The following RFC1 variants were observed in gnomAD, a reference collection of about 807,000 sequenced individuals.
RFC1 encodes the protein replication factor C subunit 1.
RFC1 carries 37 observed loss-of-function variants against 137.4 expected under a neutral mutation model. That is an observed-to-expected ratio of 0.27 (90% confidence interval 0.21 to 0.35). The LOEUF (loss-of-function observed/expected upper bound fraction) is 0.35, where lower values mean the gene tolerates loss of function less well. Ranked by LOEUF, RFC1 falls within the 10% of genes least tolerant of loss-of-function variation. The pLI is 1.00. For missense variants in RFC1, 1,205 were observed against 1,358.5 expected (o/e 0.89, Z 1.78); for synonymous variants, 429 against 455.7 (o/e 0.94, Z 0.75).
chr4:39,287,718 C>T lies in RFC1; in HGVS notation c.*1043G>A, dbSNP rs1737448062. 2 of 152,184 alleles carry T rather than the reference C, an allele frequency of 1.3e-5. No homozygotes were observed. The allele number at this position is 152,184 out of a possible 1,614,324, so 9.4% of individuals were successfully genotyped here. On this transcript the variant is annotated 3_prime_UTR_variant, in exon 25 of 25. Coordinates refer to ENST00000349703, the MANE Select transcript of RFC1 (RefSeq NM_002913.5). ...CTAAATTCCAGGCTAGGTCCATAGC[C>T]TCACGGCCACTCAACACATACAGTT...
chr4:39,362,000 C>T (rs1741784552), intron 1 of RFC1, among the ~76,000 whole-genome samples: 1 of 152,116 alleles, frequency 6.6e-6, no homozygotes, highest in Non-Finnish European at 1.5e-5. Context: ...GATGGTGCCA[C>T]TGCACCCCAG....
intron 9 of RFC1, among the ~76,000 whole-genome samples, chr4:39,318,449 T>A (rs1739356960): frequency 6.6e-6 from 1 of 152,218 alleles, no homozygotes; most frequent in Admixed American, 6.5e-5. Flanking sequence ...TTCTGAATGG[T>A]AAACAGCGTA....
intron 1 of RFC1, among the ~76,000 whole-genome samples, chr4:39,361,820 G>A (rs539754972): frequency 5.9e-5 from 9 of 152,280 alleles, no homozygotes; most frequent in African/African-American, 1.7e-4. Context: ...AGGCCGAGGC[G>A]GGCTGATCAC....
At chr4:39,292,967 T>C (rs1364913188) in intron 22 of RFC1, among the ~76,000 whole-genome samples, 1 of 152,106 alleles carries the variant, frequency 6.6e-6, no homozygotes, top group Non-Finnish European at 1.5e-5. Context: ...ACTTCAAAAG[T>C]TGTTGTTATC....
rs1055425415 is a variant in RFC1, at chr4:39,316,846, C to G, written c.1203+69G>C. 4.6e-6 allele frequency: 4 copies of G among 876,974 alleles called. No individual in the cohort carries two copies. In the African/African-American group the frequency reaches 6.8e-5, roughly 15 times the overall value. 54.3% of individuals were successfully genotyped at this position (876,974 alleles called of 1,614,324 possible). ...ATTAATCCTCTGCTGCTATAATCAT[C>G]GTGAATACATACATGGACCCATACG... On this transcript the variant is annotated intron_variant, in intron 10 of 24. Coordinates refer to ENST00000349703, the MANE Select transcript of RFC1 (RefSeq NM_002913.5).
chr4:39,302,625 G>T, intron 17 of RFC1, 30 bp from the exon 18 acceptor site: 2 of 1,513,836 alleles, frequency 1.3e-6, no homozygotes, highest in Non-Finnish European at 1.8e-6. Context: ...AGTCCTCAAT[G>T]ATTTTTAACT....
At chr4:39,300,221 G>A (rs1738275545) in intron 20 of RFC1, 39 bp downstream of exon 20, 1 of 1,612,572 alleles carries the variant, frequency 6.2e-7, no homozygotes, top group Non-Finnish European at 8.5e-7. Flanking sequence ...TCGCAGTGCT[G>A]GATACTAAGC....
intron 4 of RFC1, 51 bp from the exon 5 acceptor site, chr4:39,327,807 A>G: frequency 7.6e-7 from 1 of 1,311,286 alleles, no homozygotes; most frequent in Non-Finnish European, 1.0e-6. Flanking sequence ...ATTCGGTTAT[A>G]CAAAGAAAAC....
At chr4:39,345,077 C>T (rs918308722) in intron 3 of RFC1, among the ~76,000 whole-genome samples, 3 of 152,024 alleles carry the variant, frequency 2.0e-5, no homozygotes, top group Non-Finnish European at 4.4e-5. Flanking sequence ...AGTGCAGTGG[C>T]GATCTTGGCT....
In RFC1 at chr4:39,366,277, G is replaced by A; in HGVS notation, c.-36C>T. ...GGATGAAGGCGCTGGCTGGCTGGCG[G>A]GTGGGCCGGTTGAGGAATCTGTTAT... On this transcript the variant is annotated 5_prime_UTR_variant, in exon 1 of 25. Coordinates refer to ENST00000349703, the MANE Select transcript of RFC1 (RefSeq NM_002913.5). 6.6e-7 allele frequency: 1 copy of A among 1,524,442 alleles called. No individual in the cohort carries two copies. The highest frequency in any genetic ancestry group is 8.8e-7 in the Non-Finnish European group (1 of 1,135,130). 94.4% of individuals were successfully genotyped at this position (1,524,442 alleles called of 1,614,324 possible).
At chr4:39,302,629 T>C in intron 17 of RFC1, 34 bp from the exon 18 acceptor site, 3 of 1,515,562 alleles carry the variant, frequency 2.0e-6, no homozygotes, top group Non-Finnish European at 2.7e-6. Flanking sequence ...CTCAATGATT[T>C]TTAACTCATA....
At chr4:39,317,312 T>C (rs1739288015) in intron 9 of RFC1, among the ~76,000 whole-genome samples, 1 of 152,242 alleles carries the variant, frequency 6.6e-6, no homozygotes, top group Non-Finnish European at 1.5e-5. Flanking sequence ...AAAAGTGTTT[T>C]ACTTTAGGAA....
intron 11 of RFC1, among the ~76,000 whole-genome samples, chr4:39,311,789 C>A (rs1424965464): frequency 1.3e-5 from 2 of 152,188 alleles, no homozygotes; most frequent in Non-Finnish European, 2.9e-5. Flanking sequence ...GGGAAGTGGT[C>A]CATTTCTACT....
intron 24 of RFC1, 60 bp downstream of exon 24, chr4:39,289,788 C>T: frequency 8.5e-7 from 1 of 1,169,954 alleles, no homozygotes; most frequent in Non-Finnish European, 1.3e-6. Context: ...CCCTATTATT[C>T]ACCAGGCAAG....
intron 1 of RFC1, among the ~76,000 whole-genome samples, chr4:39,355,351 C>T (rs535758578): frequency 1.6e-4 from 24 of 151,930 alleles, no homozygotes; most frequent in South Asian, 1.2e-3. Context: ...GGCACTTGCG[C>T]GCCAAGAGTT....
chr4:39,299,783 C>T (rs902614009), intron 21 of RFC1, among the ~76,000 whole-genome samples: 13 of 151,878 alleles, frequency 8.6e-5, no homozygotes, highest in African/African-American at 2.9e-4. Context: ...GGTATGGTGG[C>T]GGGCACCTGT....
intron 1 of RFC1, among the ~76,000 whole-genome samples, chr4:39,356,716 T>C (rs901508347): frequency 9.2e-5 from 14 of 152,242 alleles, no homozygotes; most frequent in Non-Finnish European, 1.8e-4. Flanking sequence ...AACAAAAATA[T>C]ACTTTCACTT....
Position 39,365,138 on chromosome 4 carries a change from G to A in RFC1, c.3+1101C>T, listed in dbSNP as rs75149260. On this transcript the variant is annotated intron_variant, in intron 1 of 24. Coordinates refer to ENST00000349703, the MANE Select transcript of RFC1 (RefSeq NM_002913.5). ...CTTGCACCATCTGTAAAACTGCATC[G>A]ATGTGGGTTGAAATGAAAAAAAAAA... 2.7e-4 allele frequency among the ~76,000 whole-genome samples: 34 copies of A among 123,772 alleles called. No homozygotes were observed. The East Asian group carries it at 6.9e-3, about 25-fold the overall frequency. 81.2% of individuals were successfully genotyped at this position (123,772 alleles called of 152,430 possible).
At chr4:39,310,518 A>C (rs1738914510) in intron 12 of RFC1, among the ~76,000 whole-genome samples, 1 of 152,144 alleles carries the variant, frequency 6.6e-6, no homozygotes, top group South Asian at 2.1e-4. Flanking sequence ...AAATCTTGGA[A>C]TGCTGGCAAT....
Sources: gnomAD v4.1 joint callset for allele counts (sites outside exome capture counted in the v4.1 genomes callset) on GRCh38, gnomAD v4.1.1 for gene constraint, MANE v1.5 for transcripts, NCBI Gene and HGNC (gene_info 2026-07-23, HGNC 2026-07-21) for gene names.